Variants in PFDN1 observed in about 807,000 individuals in gnomAD.
PFDN1 encodes prefoldin 1.
Under a neutral mutation model 17.3 loss-of-function variants are expected in PFDN1, and 6 were observed. That is an observed-to-expected ratio of 0.35 (90% confidence interval 0.19 to 0.69). The LOEUF is 0.69. PFDN1 is among the 30% of genes least tolerant of loss of function. The probability of loss-of-function intolerance (pLI) is 0.65; values close to 1 mark genes in which losing one functional copy is unlikely to be tolerated. For synonymous variants in PFDN1, 58 were observed against 50.1 expected (o/e 1.16, Z -0.67); for missense variants, 113 against 146.2 (o/e 0.77, Z 1.17).
chr5:140,276,913 G>A (rs540895648), intron 3 of PFDN1, among the ~76,000 whole-genome samples: 42 of 151,906 alleles, frequency 2.8e-4, no homozygotes, highest in African/African-American at 1.0e-3. Flanking sequence ...GGCCTTCAAG[G>A]TATGTTAAAA....
Position 140,245,133 on chromosome 5 carries a change from A to T in PFDN1, c.*841T>A, listed in dbSNP as rs1473415321. The T allele has an allele frequency of 3.9e-6, 1 of 255,988 alleles. No homozygotes were observed. Among genetic ancestry groups the T allele is most frequent in the Non-Finnish European group, 7.6e-6 (1 of 132,000 alleles). The allele number at this position is 255,988 out of a possible 1,614,324, so 15.9% of individuals were successfully genotyped here. On this transcript the variant is annotated 3_prime_UTR_variant, in exon 4 of 4. Transcript: ENST00000261813. ...ATAATTTGCAAATTTACATAATTAT[A>T]ATGGCTGTGTTTGACAACTGGCTTG...
chr5:140,247,417 G>C (rs766707131), intron 3 of PFDN1, among the ~76,000 whole-genome samples: 1 of 152,036 alleles, frequency 6.6e-6, no homozygotes, highest in Non-Finnish European at 1.5e-5. Flanking sequence ...TGGCATTACA[G>C]GCGTGAGCCA....
intron 3 of PFDN1, among the ~76,000 whole-genome samples, chr5:140,274,635 G>T (rs963928420): frequency 6.6e-6 from 1 of 152,138 alleles, no homozygotes; most frequent in Non-Finnish European, 1.5e-5. Context: ...CATAAACCGT[G>T]AGTCTGTTAT....
At chr5:140,252,839 A>G (rs530076136) in intron 3 of PFDN1, among the ~76,000 whole-genome samples, 1 of 152,366 alleles carries the variant, frequency 6.6e-6, no homozygotes, top group Non-Finnish European at 1.5e-5. Flanking sequence ...TGCAGCAGGC[A>G]GGGGCAGGGC....
chr5:140,282,209 A>G (rs1034426716), intron 2 of PFDN1, among the ~76,000 whole-genome samples: 26 of 151,264 alleles, frequency 1.7e-4, no homozygotes, highest in Non-Finnish European at 3.8e-4. Context: ...AAAAAAAAAA[A>G]AAAGAAAAGA....
At chr5:140,265,487 C>T (rs1765122632) in intron 3 of PFDN1, among the ~76,000 whole-genome samples, 1 of 152,170 alleles carries the variant, frequency 6.6e-6, no homozygotes, top group South Asian at 2.1e-4. Flanking sequence ...TTTTATTTCG[C>T]TAGTCCAGAG....
At chr5:140,259,741 G>A (rs1474866524) in intron 3 of PFDN1, among the ~76,000 whole-genome samples, 2 of 152,156 alleles carry the variant, frequency 1.3e-5, no homozygotes, top group African/African-American at 2.4e-5. Flanking sequence ...TGTAACTGAC[G>A]CAACTGTGGG....
At chr5:140,272,392 G>A (rs1316025285) in intron 3 of PFDN1, among the ~76,000 whole-genome samples, 5 of 128,314 alleles carry the variant, frequency 3.9e-5, no homozygotes, top group Admixed American at 8.6e-5. Flanking sequence ...ACAGAGTCTT[G>A]CTCTGTCACC....
At chr5:140,272,575 G>T (rs1221464478) in intron 3 of PFDN1, among the ~76,000 whole-genome samples, 1 of 150,324 alleles carries the variant, frequency 6.7e-6, no homozygotes, top group Non-Finnish European at 1.5e-5. Context: ...GGCCAGGCTG[G>T]TCTTGAACTC....
intron 3 of PFDN1, among the ~76,000 whole-genome samples, chr5:140,259,494 G>A (rs1230976988): frequency 6.6e-6 from 1 of 152,182 alleles, no homozygotes; most frequent in Non-Finnish European, 1.5e-5. Flanking sequence ...AGACGGACTA[G>A]AGGAACTGTT....
chr5:140,249,411 ATTTGG>A (rs1218544317), intron 3 of PFDN1, among the ~76,000 whole-genome samples: 7 of 152,196 alleles, frequency 4.6e-5, no homozygotes, highest in Non-Finnish European at 8.8e-5. Flanking sequence ...TACCACAATT[ATTTGG>A]GGATAAGTAT....
intron 2 of PFDN1, among the ~76,000 whole-genome samples, chr5:140,294,529 C>G (rs1765625475): frequency 6.6e-6 from 1 of 151,954 alleles, no homozygotes; most frequent in African/African-American, 2.4e-5. Flanking sequence ...TTTCATCCCA[C>G]CTTTACTAAA....
chr5:140,258,433 G>A (rs1765017870), intron 3 of PFDN1, among the ~76,000 whole-genome samples: 2 of 117,854 alleles, frequency 1.7e-5, no homozygotes, highest in Admixed American at 9.4e-5. Flanking sequence ...TCTGAGAGCT[G>A]TACTGTTAAA....
chr5:140,303,094 T>G lies in PFDN1; in HGVS notation c.-21A>C. The G allele has an allele frequency of 6.2e-7, 1 of 1,607,132 alleles. No homozygotes were observed. The highest frequency in any genetic ancestry group is 8.5e-7 in the Non-Finnish European group (1 of 1,173,554). On this transcript the variant is annotated 5_prime_UTR_variant, in exon 1 of 4. Transcript: ENST00000261813. ...GCCATCTTGGTGCACTGTAAGCGCC[T>G]GCGCAGTGGGAGTTGGACTGAAATA... is the stretch of plus-strand genomic sequence containing the variant.
intron 3 of PFDN1, among the ~76,000 whole-genome samples, chr5:140,266,736 T>C (rs1450910774): frequency 6.6e-6 from 1 of 152,244 alleles, no homozygotes; most frequent in East Asian, 1.9e-4. Flanking sequence ...TTTCACACAT[T>C]CCACCACTAG....
intron 3 of PFDN1, among the ~76,000 whole-genome samples, chr5:140,271,081 C>T (rs1014685532): frequency 6.6e-6 from 1 of 151,966 alleles, no homozygotes; most frequent in Admixed American, 6.6e-5. Context: ...AAGGCATTGA[C>T]AATATTAATA....
At position 140,300,506 on chromosome 5, in the gene PFDN1, A is replaced by C. The variant is rs985533169; in HGVS notation, c.110T>G (p.Leu37Arg). 9.3e-6 allele frequency: 15 copies of C among 1,613,038 alleles called. No homozygotes were observed. Among genetic ancestry groups the C allele is most frequent in the Middle Eastern group, 1.6e-4 (1 of 6,080 alleles). The change falls in exon 2 of 4, where the codon CTA (leucine) becomes CGA (arginine). Residue 37 changes from leucine (L) to arginine (R), a missense_variant. By Grantham distance (102) the Leu-to-Arg change is moderately radical. Transcript: ENST00000261813. ...VKLADIQIEQ[L>R]NRTKKHAHLT... ...ATGTGCATGCTTTTTCGTTCTGTTT[A>C]GCTGTTCAATCTGTATGTCTGCGAG...
rs143348891 is a variant in PFDN1, at chr5:140,283,952, C to T, written c.201-2419G>A. On this transcript the variant is annotated intron_variant, in intron 2 of 3. Coordinates refer to ENST00000261813, the MANE Select transcript of PFDN1 (RefSeq NM_002622.5). ...TTTTTAAGTAGCACTGATAGCTGGC[C>T]AATGAGTACTATTCTCAAATAAAAG... Among the ~76,000 whole-genome samples the T allele has an allele frequency of 7.4e-4, 112 of 152,188 alleles. No homozygotes were observed. The Middle Eastern group carries it at 0.02, about 28-fold the overall frequency.
At chr5:140,266,753 G>C (rs1432503701) in intron 3 of PFDN1, among the ~76,000 whole-genome samples, 1 of 152,250 alleles carries the variant, frequency 6.6e-6, no homozygotes, top group Admixed American at 6.5e-5. Flanking sequence ...CTAGAAAACT[G>C]TACACAGCAA....
Sources: allele counts gnomAD v4.1 joint callset (sites outside exome capture counted in the v4.1 genomes callset), GRCh38; gene constraint gnomAD v4.1.1; transcripts MANE v1.5; gene names NCBI Gene and HGNC (gene_info 2026-07-23, HGNC 2026-07-21).